The following PYCR3 variants were observed in gnomAD, a reference collection of about 807,000 sequenced individuals.
The protein encoded by PYCR3 is P5C reductase 3.
Under a neutral mutation model 23.4 loss-of-function variants are expected in PYCR3, and 26 were observed. That is an observed-to-expected ratio of 1.11 (90% CI 0.81 to 1.54). The LOEUF is 1.54. PYCR3 is among the 40% of genes most tolerant of loss of function. PYCR3 has a pLI of 0.00. For synonymous variants in PYCR3, 194 were observed against 162.6 expected, an observed-to-expected ratio of 1.19 and a Z score of -1.47; for missense variants, 360 against 376.3, an observed-to-expected ratio of 0.96 and a Z score of 0.36.
Position 143,606,047 on chromosome 8 carries a change from G to T in PYCR3, c.642+15C>A. The T allele has an allele frequency of 6.2e-7, 1 of 1,601,668 alleles. No individual in the cohort carries two copies. The highest frequency in any genetic ancestry group is 8.5e-7 in the Non-Finnish European group (1 of 1,174,030). On this transcript the variant is annotated intron_variant, in intron 5 of 5. Coordinates refer to ENST00000495276, the MANE Select transcript of PYCR3 (RefSeq NM_023078.6). Reference sequence around the variant, plus strand: ...TGGGCCTTCCCGATGTTCCCCAGGGGCCACCCTCACTCACCAGCAGGGTCT... The same window carrying T: ...TGGGCCTTCCCGATGTTCCCCAGGGTCCACCCTCACTCACCAGCAGGGTCT...
rs773810079 is a variant in PYCR3 at position 143,607,125 on chromosome 8, C to A, written c.164G>T (p.Gly55Val). 1 of 1,578,778 alleles carries A rather than the reference C, an allele frequency of 6.3e-7. No individual in the cohort carries two copies. Among genetic ancestry groups the A allele is most frequent in the Non-Finnish European group, 8.6e-7 (1 of 1,161,986 alleles). Reference sequence around the variant, plus strand: ...CTGGTTGGAGTGCGTGGTCCGGCAACCCAGAGCCTGCGCCAGGGACACCAG... The same window carrying A: ...CTGGTTGGAGTGCGTGGTCCGGCAAACCAGAGCCTGCGCCAGGGACACCAG... ...DRNLCHFQAL[G>V]CRTTHSNQEV... is the part of the protein sequence containing the mutation. The change falls in exon 3 of 6, where the codon GGT becomes GTT. Residue 55 changes from glycine to valine, a missense_variant. Physicochemically the swap from Gly to Val is moderately radical, Grantham distance 109. Transcript: ENST00000495276.
At position 143,609,483 on chromosome 8, in the gene PYCR3, G is replaced by A. The variant is rs1333430645; in HGVS notation, c.66C>T (p.Ala22=). The change falls in exon 1 of 6, where the codon GCC becomes GCT. Residue 22 remains alanine (A), a synonymous_variant. Coordinates refer to ENST00000495276, the MANE Select transcript of PYCR3 (RefSeq NM_023078.6). ...GFVGAGRMAG[A]IAQGLIRAGK... ...CTGCTCTGATGAGGCCCTGCGCGAT[G>A]GCCCCCGCCATGCGGCCCGCGCCCA... The A allele has an allele frequency of 4.0e-6, 6 of 1,512,014 alleles. No homozygotes were observed. The highest frequency in any genetic ancestry group is 2.6e-6 in the Non-Finnish European group (3 of 1,137,824). 93.7% of individuals were successfully genotyped at this position (1,512,014 alleles called of 1,614,324 possible). A position where few individuals can be genotyped will look rare whatever the true frequency, so the allele number is the denominator to read the frequency against.
intron 4 of PYCR3, 52 bp from the exon 5 acceptor site, chr8:143,606,206 T>A: frequency 2.0e-6 from 3 of 1,486,780 alleles, no homozygotes; most frequent in Non-Finnish European, 2.8e-6. Flanking sequence ...GCCTGGGGGC[T>A]CAGGACCTTC....
At chr8:143,606,761 T>C (rs1375052943) in intron 3 of PYCR3, 82 bp from the exon 4 acceptor site, 15 of 1,431,112 alleles carry the variant, frequency 1.0e-5, no homozygotes, top group Non-Finnish European at 1.4e-5. Flanking sequence ...TCAGGAAAGG[T>C]CCACGTCAGC....
At chr8:143,608,227 T>TGGCC in intron 1 of PYCR3, 101 bp from the exon 2 acceptor site, 1 of 894,332 alleles carries the variant, frequency 1.1e-6, no homozygotes, top group South Asian at 1.4e-5. Context: ...CAGCCACGCC[T>TGGCC]GGCCCATCCT....
intron 1 of PYCR3, 80 bp downstream of exon 1, chr8:143,609,378 C>G: frequency 7.3e-7 from 1 of 1,368,722 alleles, no homozygotes; most frequent in Middle Eastern, 2.7e-4. Context: ...CCCGCGCCCC[C>G]GGCCCCACTC....
Sources: gnomAD v4.1 joint callset for allele counts on GRCh38, gnomAD v4.1.1 for gene constraint, MANE v1.5 for transcripts, NCBI Gene and HGNC (gene_info 2026-07-23, HGNC 2026-07-21) for gene names.